ENOX1: variants seen among roughly 807,000 people sequenced by gnomAD.
ENOX1 encodes the protein candidate growth-related and time keeping constitutive hydroquinone (NADH) oxidase.
In ENOX1, 42 loss-of-function variants were observed where a neutral mutation model predicts 82.5. The observed-to-expected ratio is 0.51, with a 90% CI of 0.40 to 0.66. The LOEUF is 0.66. Ranked by LOEUF, ENOX1 falls within the 30% of genes least tolerant of loss-of-function variation. The pLI, the probability that ENOX1 is intolerant of heterozygous loss-of-function variation, is 0.00. For synonymous variants in ENOX1, 271 were observed against 282.2 expected (o/e 0.96, Z 0.40); for missense variants, 608 against 811.6 (o/e 0.75, Z 3.05).
At chr13:43,491,848 C>G (rs960073641) in intron 2 of ENOX1, among the ~76,000 whole-genome samples, 11 of 152,170 alleles carry the variant, frequency 7.2e-5, no homozygotes, top group Non-Finnish European at 1.5e-4. Flanking sequence ...TACTAAAGAA[C>G]TTACAAGGGC....
At chr13:43,509,783 C>T (rs1190374642) in intron 2 of ENOX1, among the ~76,000 whole-genome samples, 2 of 151,908 alleles carry the variant, frequency 1.3e-5, no homozygotes, top group Non-Finnish European at 1.5e-5. Context: ...AATTCAACAG[C>T]AAAGTCCCCT....
chr13:43,393,918 G>A (rs1311017286), intron 5 of ENOX1, among the ~76,000 whole-genome samples: 1 of 152,102 alleles, frequency 6.6e-6, no homozygotes, highest in African/African-American at 2.4e-5. Flanking sequence ...GGTAATGAAT[G>A]AGTTCTCACT....
chr13:43,627,248 C>T (rs550259254), intron 2 of ENOX1, among the ~76,000 whole-genome samples: 5 of 152,038 alleles, frequency 3.3e-5, no homozygotes, highest in East Asian at 3.9e-4. Context: ...CCGTCTTGAT[C>T]GTTTTAGACT....
At chr13:43,600,703 C>A (rs188109221) in intron 2 of ENOX1, among the ~76,000 whole-genome samples, 81 of 152,274 alleles carry the variant, frequency 5.3e-4, no homozygotes, top group African/African-American at 1.8e-3. Flanking sequence ...GCACTGGTTA[C>A]CGCAGGCCTT....
intron 11 of ENOX1, among the ~76,000 whole-genome samples, chr13:43,318,754 T>C (rs1308454511): frequency 6.6e-6 from 1 of 152,250 alleles, no homozygotes; most frequent in Non-Finnish European, 1.5e-5. Context: ...ATGACTAAGA[T>C]AACAAGCAGA....
Position 43,361,378 on chromosome 13 carries a change from G to C in ENOX1, c.283C>G (p.Pro95Ala). The C allele has an allele frequency of 6.2e-7, 1 of 1,613,528 alleles. No homozygotes were observed. The highest frequency in any genetic ancestry group is 8.5e-7 in the Non-Finnish European group (1 of 1,179,888). The change falls in exon 6 of 17, where the codon CCA (proline) becomes GCA (alanine). Residue 95 changes from proline to alanine, a missense_variant. Physicochemically the swap from Pro to Ala is conservative, Grantham distance 27 (BLOSUM62 -1). Coordinates refer to ENST00000690772, the MANE Select transcript of ENOX1 (RefSeq NM_001347969.2). The stretch of plus-strand genomic sequence containing the variant: ...GGGGGAGGTACCAGTCCAAGGCCTG[G>C]TATCATTGGGTTAATGGGGGTGATT... ...TGITPINPMI[P>A]GLGLVPPPPP... is the part of the protein sequence containing the mutation.
chr13:43,518,936 C>T (rs1188355218), intron 2 of ENOX1, among the ~76,000 whole-genome samples: 1 of 152,112 alleles, frequency 6.6e-6, no homozygotes, highest in African/African-American at 2.4e-5. Context: ...CTATTTTTAA[C>T]ATTCTTTCAT....
In ENOX1 at chr13:43,731,977, A is replaced by G. The variant is rs191256091; in HGVS notation, c.-285+54675T>C. On this transcript the variant is annotated intron_variant, in intron 1 of 16. Coordinates refer to ENST00000690772, the MANE Select transcript of ENOX1 (RefSeq NM_001347969.2). The stretch of plus-strand genomic sequence containing the variant: ...GTTTCACAGGTGAGAGTTAATTAAC[A>G]TTTTATCCCAAGCAGTGAAGGAAAG... Among the ~76,000 whole-genome samples, 512 of 152,358 alleles carry G rather than the reference A, an allele frequency of 3.4e-3. 1 individual carries two copies. The highest frequency in any genetic ancestry group is 5.4e-3 in the Non-Finnish European group (369 of 68,038).
intron 3 of ENOX1, among the ~76,000 whole-genome samples, chr13:43,423,757 T>C (rs1462273426): frequency 6.6e-6 from 1 of 152,216 alleles, no homozygotes; most frequent in East Asian, 1.9e-4. Context: ...TTAACTACCA[T>C]CTTACCTAGC....
At chr13:43,400,970 G>A (rs2053462645) in intron 5 of ENOX1, among the ~76,000 whole-genome samples, 1 of 152,264 alleles carries the variant, frequency 6.6e-6, no homozygotes, top group South Asian at 2.1e-4. Context: ...TTTCCTTCCA[G>A]CTGAGTAACC....
chr13:43,517,758 T>C (rs1357712269), intron 2 of ENOX1, among the ~76,000 whole-genome samples: 1 of 152,128 alleles, frequency 6.6e-6, no homozygotes, highest in Non-Finnish European at 1.5e-5. Context: ...TATTCAGTGG[T>C]GCGGGCCTTT....
intron 3 of ENOX1, among the ~76,000 whole-genome samples, chr13:43,416,631 C>T (rs539080482): frequency 2.0e-4 from 30 of 148,916 alleles, no homozygotes; most frequent in African/African-American, 7.5e-4. Context: ...GGCAGAGACG[C>T]TCCTCACATC....
At chr13:43,609,907 A>C in intron 2 of ENOX1, 1 of 982,388 alleles carries the variant, frequency 1.0e-6, no homozygotes, top group Non-Finnish European at 1.2e-6. Context: ...AAATTTTTCC[A>C]TCTTCTGTCC....
chr13:43,651,778 C>T (rs2084188814), intron 2 of ENOX1, among the ~76,000 whole-genome samples: 1 of 151,030 alleles, frequency 6.6e-6, no homozygotes. Context: ...AGATCGAGAC[C>T]AGCCTGACCA....
chr13:43,463,476 G>T (rs980833818), intron 3 of ENOX1, among the ~76,000 whole-genome samples: 2 of 152,150 alleles, frequency 1.3e-5, no homozygotes, highest in African/African-American at 4.8e-5. Flanking sequence ...AAATTAAAGT[G>T]CCTGGGAAGA....
At chr13:43,588,083 A>G (rs1339193356) in intron 2 of ENOX1, among the ~76,000 whole-genome samples, 1 of 152,230 alleles carries the variant, frequency 6.6e-6, no homozygotes, top group Non-Finnish European at 1.5e-5. Flanking sequence ...TAAGCTTAGC[A>G]AAAAATTTCA....
chr13:43,494,720 G>A, intron 2 of ENOX1, among the ~76,000 whole-genome samples: 1 of 152,174 alleles, frequency 6.6e-6, no homozygotes, highest in East Asian at 1.9e-4. Flanking sequence ...TTTATAGGCT[G>A]CTTTAGAGCA....
At chr13:43,283,708 C>T (rs2045533754) in intron 12 of ENOX1, among the ~76,000 whole-genome samples, 1 of 151,550 alleles carries the variant, frequency 6.6e-6, no homozygotes, top group Admixed American at 6.6e-5. Flanking sequence ...GCCTTGGCCT[C>T]CCAAAGTGTT....
intron 6 of ENOX1, 69 bp downstream of exon 6, chr13:43,361,210 A>G: frequency 6.6e-7 from 1 of 1,504,014 alleles, no homozygotes. Context: ...AAATGACTGC[A>G]ATGCCATTTT....
Sources: gnomAD v4.1 joint callset for allele counts (sites outside exome capture counted in the v4.1 genomes callset) on GRCh38, gnomAD v4.1.1 for gene constraint, MANE v1.5 for transcripts, NCBI Gene and HGNC (gene_info 2026-07-23, HGNC 2026-07-21) for gene names.